Variants in GRIA4 observed in about 807,000 individuals in gnomAD.
GRIA4 encodes the protein glutamate ionotropic receptor AMPA type subunit 4, also known as glutamate receptor 4.
Under a neutral mutation model 104.0 loss-of-function variants are expected in GRIA4, and 34 were observed. The observed-to-expected ratio is 0.33, with a 90% CI of 0.25 to 0.44. The LOEUF is 0.44. GRIA4 is among the 20% of genes least tolerant of loss of function. The pLI is 1.00. For missense variants in GRIA4, 750 were observed against 1,096.5 expected (o/e 0.68, Z 4.46); for synonymous variants, 386 against 381.9 (o/e 1.01, Z -0.13).
intron 3 of GRIA4, among the ~76,000 whole-genome samples, chr11:105,732,518 T>C (rs1372727111): frequency 6.6e-6 from 1 of 152,100 alleles, no homozygotes; most frequent in East Asian, 1.9e-4. Context: ...AACTCCTCAG[T>C]GTGAGCTACT....
At chr11:105,681,761 G>A (rs1038422543) in intron 3 of GRIA4, among the ~76,000 whole-genome samples, 10 of 152,134 alleles carry the variant, frequency 6.6e-5, no homozygotes, top group African/African-American at 2.4e-4. Context: ...ATTAAAAACA[G>A]GCCGGGTGCA....
chr11:105,882,234 C>T lies in GRIA4; in HGVS notation c.673-5285C>T, dbSNP rs534681290. 9.9e-5 allele frequency among the ~76,000 whole-genome samples: 15 copies of T among 152,142 alleles called. No individual in the cohort carries two copies. In the South Asian group the frequency reaches 1.2e-3, roughly 13 times the overall value. On this transcript the variant is annotated intron_variant, in intron 5 of 16. Coordinates refer to ENST00000282499, the MANE Select transcript of GRIA4 (RefSeq NM_000829.4). ...TGAATTCTCTGGAACATGAAAACAA[C>T]GGAGAGAGGAATTTCCAGTTGACTT...
intron 3 of GRIA4, among the ~76,000 whole-genome samples, chr11:105,634,486 AAAG>A (rs1951140362): frequency 1.6e-5 from 1 of 63,826 alleles, no homozygotes; most frequent in Admixed American, 1.2e-4. Flanking sequence ...AGAAAGAAAG[AAAG>A]AAAGAAAGAA....
chr11:105,873,677 C>T (rs1214469316), intron 5 of GRIA4, among the ~76,000 whole-genome samples: 4 of 152,032 alleles, frequency 2.6e-5, no homozygotes, highest in African/African-American at 9.7e-5. Flanking sequence ...GACCAGTGAT[C>T]AGGAGCTTTT....
chr11:105,731,907 A>G (rs539365928), intron 3 of GRIA4, among the ~76,000 whole-genome samples: 11 of 152,270 alleles, frequency 7.2e-5, no homozygotes, highest in African/African-American at 2.6e-4. Flanking sequence ...GGATAGCATT[A>G]GAAGAAATAC....
intron 5 of GRIA4, among the ~76,000 whole-genome samples, chr11:105,886,368 A>T (rs1946259360): frequency 6.6e-6 from 1 of 152,108 alleles, no homozygotes; most frequent in Non-Finnish European, 1.5e-5. Context: ...TAGTTATTTT[A>T]AAAATGTACA....
intron 16 of GRIA4, among the ~76,000 whole-genome samples, chr11:105,976,267 C>G (rs1858976084): frequency 6.6e-6 from 1 of 151,860 alleles, no homozygotes; most frequent in Non-Finnish European, 1.5e-5. Context: ...GGTGGGGAAG[C>G]AAAGCAAATA....
chr11:105,631,246 C>A (rs1207916399), intron 3 of GRIA4, among the ~76,000 whole-genome samples: 1 of 152,052 alleles, frequency 6.6e-6, no homozygotes, highest in African/African-American at 2.4e-5. Context: ...AGGCAGCCAG[C>A]CCCGCTGGGG....
intron 10 of GRIA4, chr11:105,912,039 GA>G (rs1291903630): frequency 3.0e-4 from 333 of 1,112,044 alleles, no homozygotes; most frequent in East Asian, 7.4e-4. Context: ...TGGACTACCA[GA>G]AAAAAAAAAT....
chr11:105,686,414 TTA>T (rs1952884282), intron 3 of GRIA4, among the ~76,000 whole-genome samples: 2 of 152,342 alleles, frequency 1.3e-5, no homozygotes, highest in South Asian at 4.1e-4. Context: ...TCATGCTTTT[TTA>T]TGACTGTGTA....
At chr11:105,709,685 C>G (rs746662941) in intron 3 of GRIA4, among the ~76,000 whole-genome samples, 1 of 151,840 alleles carries the variant, frequency 6.6e-6, no homozygotes, top group East Asian at 1.9e-4. Context: ...ACATGAGACA[C>G]CCAGGAGGAG....
chr11:105,771,092 A>G (rs1272891000), intron 4 of GRIA4, among the ~76,000 whole-genome samples: 1 of 151,994 alleles, frequency 6.6e-6, no homozygotes, highest in African/African-American at 2.4e-5. Context: ...ACAATCAAAT[A>G]CCCTCTATAA....
At chr11:105,880,853 A>G (rs1946025908) in intron 5 of GRIA4, among the ~76,000 whole-genome samples, 1 of 152,228 alleles carries the variant, frequency 6.6e-6, no homozygotes, top group African/African-American at 2.4e-5. Context: ...GTATTTAAAT[A>G]TAAATATAGA....
At chr11:105,899,102 C>T (rs977695366) in intron 7 of GRIA4, among the ~76,000 whole-genome samples, 4 of 152,080 alleles carry the variant, frequency 2.6e-5, no homozygotes, top group African/African-American at 9.7e-5. Context: ...CAGTGTATTC[C>T]AGTAAAAAGT....
At chr11:105,724,766 A>G (rs1591144530) in intron 3 of GRIA4, among the ~76,000 whole-genome samples, 1 of 152,300 alleles carries the variant, frequency 6.6e-6, no homozygotes, top group East Asian at 1.9e-4. Context: ...AATTGTACTT[A>G]TAGCCCTTAA....
intron 3 of GRIA4, among the ~76,000 whole-genome samples, chr11:105,677,438 C>A (rs918691207): frequency 6.6e-6 from 1 of 151,718 alleles, no homozygotes; most frequent in Non-Finnish European, 1.5e-5. Flanking sequence ...AATAAAATAT[C>A]AGCAAATTAA....
At chr11:105,626,210 G>A (rs1303514759) in intron 3 of GRIA4, among the ~76,000 whole-genome samples, 2 of 151,950 alleles carry the variant, frequency 1.3e-5, no homozygotes, top group Admixed American at 6.6e-5. Context: ...TAAGGGCCGT[G>A]AAATCTTGCA....
chr11:105,951,888 G>A (rs72645426), intron 14 of GRIA4, among the ~76,000 whole-genome samples: 12,214 of 152,056 alleles, frequency 0.08, 669 homozygotes, highest in East Asian at 0.19. Context: ...CCTGAGCCTC[G>A]GGAGGTCAGG....
rs575841507 is a variant in GRIA4 at position 105,658,597 on chromosome 11, A to C, written c.247+46163A>C. Among the ~76,000 whole-genome samples the C allele has an allele frequency of 2.6e-5, 4 of 151,960 alleles. No homozygotes were observed. The East Asian group carries it at 7.8e-4, about 29-fold the overall frequency. On this transcript the variant is annotated intron_variant, in intron 3 of 16. Transcript: ENST00000282499. The stretch of plus-strand genomic sequence containing the variant: ...ACAGAAAGAAATATACTCATAAAAT[A>C]CTCATAAACAAAGATGGAAAAATAC...
Sources: allele counts gnomAD v4.1 joint callset (sites outside exome capture counted in the v4.1 genomes callset), GRCh38; gene constraint gnomAD v4.1.1; transcripts MANE v1.5; gene names NCBI Gene and HGNC (gene_info 2026-07-23, HGNC 2026-07-21).